The following PER3 variants were observed in gnomAD, a reference collection of about 807,000 sequenced individuals.
PER3 encodes the protein period circadian protein homolog 3.
A neutral mutation model predicts 127.2 loss-of-function variants in PER3; 107 were observed. The observed-to-expected ratio is 0.84, with a 90% CI of 0.72 to 0.99. The LOEUF (loss-of-function observed/expected upper bound fraction) is 0.99. Ranked by LOEUF, PER3 falls within the 50% of genes least tolerant of loss-of-function variation. The probability of loss-of-function intolerance (pLI) is 0.00; values close to 1 mark genes in which losing one functional copy is unlikely to be tolerated. For missense variants in PER3, 1,560 were observed against 1,525.8 expected, an observed-to-expected ratio of 1.02 and a Z score of -0.37; for synonymous variants, 618 against 585.8, an observed-to-expected ratio of 1.05 and a Z score of -0.79.
intron 6 of PER3, among the ~76,000 whole-genome samples, chr1:7,796,319 CTTTTTTTT>C (rs71567315): frequency 9.1e-6 from 1 of 109,818 alleles, no homozygotes; most frequent in African/African-American, 3.2e-5. Flanking sequence ...TTTCAGTTTC[CTTTTTTTT>C]TTTTTTTTTG....
At position 7,829,947 on chromosome 1, in the gene PER3, CACA is replaced by C; in HGVS notation, c.3001_3003del (p.Thr1001del). The C allele has an allele frequency of 1.6e-6, 2 of 1,269,484 alleles. No homozygotes were observed. The highest frequency in any genetic ancestry group is 2.4e-5 in the Admixed American group (1 of 41,230). The allele number at this position is 1,269,484 out of a possible 1,614,324, so 78.6% of individuals were successfully genotyped here. A position where few individuals can be genotyped will look rare whatever the true frequency, so the allele number is the denominator to read the frequency against. On this transcript the variant is annotated inframe_deletion, in exon 19 of 22. Coordinates refer to ENST00000377532, the MANE Select transcript of PER3 (RefSeq NM_001377275.1). ...CCCATCCTACTGCCAGCGCTCTGTC[CACA>C]GGATCGCCTCCCATGAAGAATCCAT... is the stretch of plus-strand genomic sequence containing the variant.
At position 7,827,709 on chromosome 1, in the gene PER3, C is replaced by G. The variant is rs77418803; in HGVS notation, c.2780C>G (p.Ser927Trp). Reference sequence around the variant, plus strand: ...AGCGAGGGGCACCCGTTCATTACTTCGAGAAGCAGCTCACCCTTGCAGTTA... The same window carrying G: ...AGCGAGGGGCACCCGTTCATTACTTGGAGAAGCAGCTCACCCTTGCAGTTA... Reference protein sequence around the residue: ...AQSEGHPFITSRSSSPLQLNL... With the variant: ...AQSEGHPFITWRSSSPLQLNL... The change falls in exon 18 of 22, where the codon TCG becomes TGG. Residue 927 changes from serine to tryptophan, a missense_variant. Physicochemically the swap from Ser to Trp is radical, Grantham distance 177. Transcript: ENST00000377532. 6 of 1,614,042 alleles carry G rather than the reference C, an allele frequency of 3.7e-6. No homozygotes were observed. In the African/African-American group the frequency reaches 4.0e-5, roughly 11 times the overall value.
chr1:7,801,130 A>C lies in PER3; in HGVS notation c.811A>C (p.Asn271His). ...SGYEAPRIPVNKRIFTTTHTP... is the reference protein window; with the variant it reads ...SGYEAPRIPVHKRIFTTTHTP... ...TTCCTTAGCTCCTCGGATCCCAGTGAATAAAAGAATCTTCACCACCACACA... is the reference window on the plus strand; with the variant it reads ...TTCCTTAGCTCCTCGGATCCCAGTGCATAAAAGAATCTTCACCACCACACA... The change falls in exon 8 of 22, where the codon AAT (asparagine) becomes CAT (histidine). Residue 271 changes from asparagine (N) to histidine (H), a missense_variant. Asn to His is a moderately conservative substitution (Grantham distance 68, BLOSUM62 1). Coordinates refer to ENST00000377532, the MANE Select transcript of PER3 (RefSeq NM_001377275.1). 2 of 1,606,858 alleles carry C rather than the reference A, an allele frequency of 1.2e-6. No individual in the cohort carries two copies. Among genetic ancestry groups the C allele is most frequent in the Non-Finnish European group, 1.7e-6 (2 of 1,175,572 alleles).
chr1:7,833,787 A>G (rs2097344435), intron 19 of PER3, among the ~76,000 whole-genome samples: 1 of 151,994 alleles, frequency 6.6e-6, no homozygotes, highest in Non-Finnish European at 1.5e-5. Context: ...TCTTGCTACT[A>G]ATTTTCTGTT....
chr1:7,790,064 T>A (rs1376694285), intron 5 of PER3, among the ~76,000 whole-genome samples: 3 of 152,236 alleles, frequency 2.0e-5, no homozygotes, highest in Non-Finnish European at 1.5e-5. Context: ...CAATATTGTC[T>A]GCCAGGTCTT....
chr1:7,832,142 T>C (rs2097334094), intron 19 of PER3, among the ~76,000 whole-genome samples: 1 of 152,132 alleles, frequency 6.6e-6, no homozygotes, highest in South Asian at 2.1e-4. Flanking sequence ...ATCTATTTTA[T>C]CTAATTTGTT....
intron 21 of PER3, among the ~76,000 whole-genome samples, chr1:7,841,181 G>A (rs61773393): frequency 1.2e-3 from 176 of 152,266 alleles, no homozygotes; most frequent in Non-Finnish European, 2.2e-3. Context: ...TTATGAATTT[G>A]TGTTGGGCCA....
In PER3 at chr1:7,810,431, C is replaced by T. The variant is rs372231896; in HGVS notation, c.1372-7C>T. 6.3e-7 allele frequency: 1 copy of T among 1,579,832 alleles called. No individual in the cohort carries two copies. The highest frequency in any genetic ancestry group is 8.6e-7 in the Non-Finnish European group (1 of 1,161,914). On this transcript the variant is annotated splice_polypyrimidine_tract_variant and splice_region_variant and intron_variant, in intron 12 of 21. Coordinates refer to ENST00000377532, the MANE Select transcript of PER3 (RefSeq NM_001377275.1). ...TTGAAACATATTTTATCATTCCTTT[C>T]CCTAAGATGACCTTGCAGCAGGTCT...
chr1:7,837,238 T>A, intron 21 of PER3, 89 bp downstream of exon 21: 5 of 1,069,982 alleles, frequency 4.7e-6, no homozygotes, highest in African/African-American at 1.6e-5. Context: ...ATGATCCCAC[T>A]AAAAACTTTA....
rs769130967 is a variant in PER3 at position 7,835,751 on chromosome 1, A to G, written c.3215-11A>G. On this transcript the variant is annotated splice_polypyrimidine_tract_variant and intron_variant, in intron 19 of 21. Coordinates refer to ENST00000377532, the MANE Select transcript of PER3 (RefSeq NM_001377275.1). The stretch of plus-strand genomic sequence containing the variant: ...GGTCTTTTCTAATTATGTGTTGTTG[A>G]TTTTTGACAGGAAGCAGCGACAGCA... The G allele has an allele frequency of 6.3e-5, 100 of 1,592,648 alleles. No individual in the cohort carries two copies. In the Admixed American group the frequency reaches 7.2e-4, roughly 11 times the overall value.
At chr1:7,827,892 C>A in intron 18 of PER3, 77 bp downstream of exon 18, 1 of 1,094,526 alleles carries the variant, frequency 9.1e-7, no homozygotes, top group Non-Finnish European at 1.3e-6. Context: ...CGTTGGGACT[C>A]AGTGCTGACA....
chr1:7,823,942 G>A (rs1046303187), intron 16 of PER3, among the ~76,000 whole-genome samples: 3 of 152,216 alleles, frequency 2.0e-5, no homozygotes, highest in Non-Finnish European at 4.4e-5. Flanking sequence ...TGTGTGAACT[G>A]TGTTCTCTGG....
At chr1:7,828,411 G>C (rs913910852) in intron 18 of PER3, among the ~76,000 whole-genome samples, 1 of 152,062 alleles carries the variant, frequency 6.6e-6, no homozygotes, top group African/African-American at 2.4e-5. Context: ...GCCATTCTCA[G>C]GTTTATTTAG....
intron 5 of PER3, among the ~76,000 whole-genome samples, chr1:7,793,365 A>T (rs1225347321): frequency 6.6e-6 from 1 of 152,284 alleles, no homozygotes; most frequent in Non-Finnish European, 1.5e-5. Flanking sequence ...CTAGCAAATC[A>T]TTGGCATGAG....
At chr1:7,836,856 C>G (rs1036932978) in intron 20 of PER3, 143 bp from the exon 21 acceptor site, 9 of 515,018 alleles carry the variant, frequency 1.7e-5, no homozygotes, top group Non-Finnish European at 2.4e-5. Flanking sequence ...AGGAAATGAT[C>G]TAGTTATTTT....
At chr1:7,785,382 A>G in intron 2 of PER3, 59 bp from the exon 3 acceptor site, 1 of 1,398,950 alleles carries the variant, frequency 7.1e-7, no homozygotes, top group Non-Finnish European at 1.0e-6. Context: ...TGTGTTCCCT[A>G]AGCCGCAAGA....
rs200862765 is a variant in PER3 at position 7,820,171 on chromosome 1, A to C, written c.1715A>C (p.Asn572Thr). The change falls in exon 15 of 22, where the codon AAT (asparagine) becomes ACT (threonine). Residue 572 changes from asparagine (N) to threonine (T), a missense_variant. Asn to Thr is a moderately conservative substitution (Grantham distance 65). Coordinates refer to ENST00000377532, the MANE Select transcript of PER3 (RefSeq NM_001377275.1). ...AAAAGAAAGTGTATCTCCTGTACAAATACAACTTCTTCCTCCTCAGAAGAA... is the reference window on the plus strand; with the variant it reads ...AAAAGAAAGTGTATCTCCTGTACAACTACAACTTCTTCCTCCTCAGAAGAA... ...ALKRKCISCT[N>T]TTSSSSEEDK... The C allele has an allele frequency of 1.6e-4, 263 of 1,613,440 alleles. 1 individual carries two copies. The highest frequency in any genetic ancestry group is 2.7e-5 in the Non-Finnish European group (32 of 1,179,460).
chr1:7,785,760 G>A (rs567668803), intron 3 of PER3, among the ~76,000 whole-genome samples, 174 bp downstream of exon 3: 1 of 152,336 alleles, frequency 6.6e-6, no homozygotes, highest in Admixed American at 6.5e-5. Context: ...GTTCACATGT[G>A]AAAGACCAGG....
chr1:7,808,513 G>C (rs1216096185), intron 10 of PER3, among the ~76,000 whole-genome samples: 1 of 152,184 alleles, frequency 6.6e-6, no homozygotes, highest in Non-Finnish European at 1.5e-5. Flanking sequence ...ATGTTGTTTG[G>C]AAAACTTGGG....
Sources: gnomAD v4.1 joint callset for allele counts (sites outside exome capture counted in the v4.1 genomes callset) on GRCh38, gnomAD v4.1.1 for gene constraint, MANE v1.5 for transcripts, NCBI Gene and HGNC (gene_info 2026-07-23, HGNC 2026-07-21) for gene names.